ZMYND11: variants seen among roughly 807,000 people sequenced by gnomAD.
The protein encoded by ZMYND11 is zinc finger MYND domain-containing protein 11.
A neutral mutation model predicts 84.9 loss-of-function variants in ZMYND11; 9 were observed. That is an observed-to-expected ratio of 0.11 (90% CI 0.06 to 0.18). The LOEUF is 0.18. Among genes scored for constraint, ZMYND11 ranks in the 10% least tolerant of loss-of-function variants. The pLI is 1.00. For missense variants in ZMYND11, 409 were observed against 761.0 expected (o/e 0.54, Z 5.44); for synonymous variants, 250 against 244.1 (o/e 1.02, Z -0.23).
At chr10:169,749 A>G (rs1245472061) in intron 1 of ZMYND11, among the ~76,000 whole-genome samples, 1 of 152,126 alleles carries the variant, frequency 6.6e-6, no homozygotes, top group Non-Finnish European at 1.5e-5. Context: ...AAAAGCAGAG[A>G]GAGACAAGTC....
intron 4 of ZMYND11, among the ~76,000 whole-genome samples, chr10:221,699 A>T (rs1258284496): frequency 2.0e-5 from 3 of 152,182 alleles, no homozygotes; most frequent in Non-Finnish European, 2.9e-5. Context: ...AAACTGTACA[A>T]TTTATGGTAT....
chr10:230,427 C>T lies in ZMYND11; in HGVS notation c.439-6411C>T, dbSNP rs57072612. Among the ~76,000 whole-genome samples the T allele has an allele frequency of 3.2e-3, 413 of 129,242 alleles. 3 individuals are homozygous for T. The highest frequency in any genetic ancestry group is 0.011 in the African/African-American group (381 of 33,842). The allele number at this position is 129,242 out of a possible 152,430, so 84.8% of individuals were successfully genotyped here. On this transcript the variant is annotated intron_variant, in intron 4 of 14. Coordinates refer to ENST00000381604, the MANE Select transcript of ZMYND11 (RefSeq NM_001370100.5). The stretch of plus-strand genomic sequence containing the variant: ...TGCGGAGGTTGTAGTGAGTTGAGAT[C>T]GCACCACTGCACTCCAGCCTGGGCG...
intron 4 of ZMYND11, among the ~76,000 whole-genome samples, chr10:232,738 C>T (rs554411565): frequency 2.6e-5 from 4 of 152,292 alleles, no homozygotes; most frequent in South Asian, 4.1e-4. Context: ...TGTGAAATTC[C>T]GTTTGGTCAG....
chr10:159,391 G>A (rs1456919853), intron 1 of ZMYND11, among the ~76,000 whole-genome samples: 2 of 152,276 alleles, frequency 1.3e-5, no homozygotes, highest in East Asian at 3.9e-4. Context: ...CCTGCAGCCT[G>A]TAGAGCAGAG....
rs1952779275 is a variant in ZMYND11 at position 248,962 on chromosome 10, G to A, written c.1560G>A (p.Met520Ile). The change falls in exon 14 of 15, where the codon ATG becomes ATA. Residue 520 changes from methionine (M) to isoleucine (I), a missense_variant. Transcript: ENST00000381604. ...RQAVNKAVANMQGEMDRKCKQ... is the reference protein window; with the variant it reads ...RQAVNKAVANIQGEMDRKCKQ... ...CTGTAAATAAAGCTGTAGCCAACATGCAGGGTGAGATGGACAGAAAATGTA... is the reference window on the plus strand; with the variant it reads ...CTGTAAATAAAGCTGTAGCCAACATACAGGGTGAGATGGACAGAAAATGTA... 3 of 1,614,084 alleles carry A rather than the reference G, an allele frequency of 1.9e-6. No homozygotes were observed. The highest frequency in any genetic ancestry group is 1.3e-5 in the African/African-American group (1 of 74,920).
chr10:252,473 C>T lies in ZMYND11; in HGVS notation c.*3C>T, dbSNP rs1287843597. ...GCACCTGCCGCCGGAAAAGATGAAGCTGGCCCTTCCCGGAGTCACCCCGAT... is the reference window on the plus strand; with the variant it reads ...GCACCTGCCGCCGGAAAAGATGAAGTTGGCCCTTCCCGGAGTCACCCCGAT... On this transcript the variant is annotated 3_prime_UTR_variant, in exon 15 of 15. Transcript: ENST00000381604. The surrounding 1 kb of genome is among the most constrained non-coding windows in gnomAD (Gnocchi z 4.6). 1.7e-5 allele frequency: 27 copies of T among 1,609,670 alleles called. No homozygotes were observed. Among genetic ancestry groups the T allele is most frequent in the African/African-American group, 2.7e-5 (2 of 74,938 alleles).
At position 252,332 on chromosome 10, in the gene ZMYND11, G is replaced by C. The variant is rs370566112; in HGVS notation, c.1687-16G>C. On this transcript the variant is annotated splice_polypyrimidine_tract_variant and intron_variant, in intron 14 of 14. Coordinates refer to ENST00000381604, the MANE Select transcript of ZMYND11 (RefSeq NM_001370100.5). This position sits in a 1 kb window ranked among gnomAD's most constrained non-coding sequence, Gnocchi z 4.6. ...CACACCCAAGTCTAAAGACTGCCCCGATTTCTTACCTGCAGTGCTACAACT... is the reference window on the plus strand; with the variant it reads ...CACACCCAAGTCTAAAGACTGCCCCCATTTCTTACCTGCAGTGCTACAACT... 3 of 1,613,006 alleles carry C rather than the reference G, an allele frequency of 1.9e-6. No individual in the cohort carries two copies. Among genetic ancestry groups the C allele is most frequent in the Non-Finnish European group, 2.5e-6 (3 of 1,179,550 alleles).
upstream of ZMYND11, among the ~76,000 whole-genome samples, chr10:133,680 G>A (rs1835390140): frequency 6.6e-6 from 1 of 152,134 alleles, no homozygotes; most frequent in African/African-American, 2.4e-5. Flanking sequence ...TTAAAAAGGT[G>A]ACTCACTGAA....
rs1944947707 is a variant in ZMYND11, at chr10:210,189, G to A, written c.276+141G>A. 3 of 879,536 alleles carry A rather than the reference G, an allele frequency of 3.4e-6. No individual in the cohort carries two copies. In the African/African-American group the frequency reaches 5.1e-5, roughly 15 times the overall value. The allele number at this position is 879,536 out of a possible 1,614,324, so 54.5% of individuals were successfully genotyped here. A position where few individuals can be genotyped will look rare whatever the true frequency, so the allele number is the denominator to read the frequency against. ...GTATCAACATTAAGGCTCTACATTG[G>A]TAGTATGGATACTTTCCTTACTAAT... On this transcript the variant is annotated intron_variant, in intron 3 of 14. Coordinates refer to ENST00000381604, the MANE Select transcript of ZMYND11 (RefSeq NM_001370100.5).
At chr10:173,653 A>G (rs1177284337) in intron 1 of ZMYND11, among the ~76,000 whole-genome samples, 1 of 152,034 alleles carries the variant, frequency 6.6e-6, no homozygotes, top group Non-Finnish European at 1.5e-5. Context: ...CAGGAATTTG[A>G]GGTTATAGTT....
chr10:203,345 AT>A (rs562378463), intron 2 of ZMYND11, among the ~76,000 whole-genome samples: 2 of 152,314 alleles, frequency 1.3e-5, no homozygotes, highest in South Asian at 4.1e-4. Flanking sequence ...ATAAAATTCC[AT>A]TTTAAAAAAA....
intron 9 of ZMYND11, 99 bp from the exon 10 acceptor site, chr10:241,922 T>C (rs976020649): frequency 7.1e-7 from 1 of 1,407,338 alleles, no homozygotes; most frequent in Non-Finnish European, 9.7e-7. Context: ...AGAAATATTT[T>C]AGAAATAATG....
intron 3 of ZMYND11, among the ~76,000 whole-genome samples, chr10:213,136 G>C (rs1945550285): frequency 6.6e-6 from 1 of 152,112 alleles, no homozygotes; most frequent in African/African-American, 2.4e-5. Flanking sequence ...GCATATGGGG[G>C]TGCCAGATGT....
chr10:173,778 A>G (rs1845932965), intron 1 of ZMYND11, among the ~76,000 whole-genome samples: 1 of 152,216 alleles, frequency 6.6e-6, no homozygotes, highest in African/African-American at 2.4e-5. Context: ...AAAGAAATAC[A>G]GATGACACAT....
At chr10:194,620 A>G (rs533904015) in intron 2 of ZMYND11, among the ~76,000 whole-genome samples, 15 of 152,330 alleles carry the variant, frequency 9.8e-5, no homozygotes, top group Admixed American at 6.5e-5. Flanking sequence ...ATTCCGCTCG[A>G]TTTATACTAG....
chr10:186,091 G>A (rs1938330710), intron 2 of ZMYND11, among the ~76,000 whole-genome samples: 1 of 150,854 alleles, frequency 6.6e-6, no homozygotes, highest in African/African-American at 2.4e-5. Flanking sequence ...CTCACTGCAA[G>A]CTCCGCCTCC....
chr10:214,873 G>T (rs1460122785), intron 3 of ZMYND11, among the ~76,000 whole-genome samples: 1 of 152,064 alleles, frequency 6.6e-6, no homozygotes, highest in Non-Finnish European at 1.5e-5. Flanking sequence ...AGTTACATTT[G>T]GTATTTAGCA....
intron 4 of ZMYND11, among the ~76,000 whole-genome samples, chr10:231,042 T>A (rs891141149): frequency 1.3e-5 from 2 of 152,216 alleles, no homozygotes; most frequent in African/African-American, 4.8e-5. Flanking sequence ...CTTTGTGACA[T>A]GAAAATTATA....
chr10:168,977 A>T (rs1554764778), intron 1 of ZMYND11, among the ~76,000 whole-genome samples: 1 of 152,158 alleles, frequency 6.6e-6, no homozygotes, highest in Non-Finnish European at 1.5e-5. Context: ...GCTTGACCTC[A>T]CAGTGAATAT....
Sources: allele counts gnomAD v4.1 joint callset (sites outside exome capture counted in the v4.1 genomes callset), GRCh38; gene constraint gnomAD v4.1.1; non-coding constraint Gnocchi (gnomAD v3.1); transcripts MANE v1.5; gene names NCBI Gene and HGNC (gene_info 2026-07-23, HGNC 2026-07-21).